Variants in NELL2 observed in about 807,000 individuals in gnomAD.
The protein encoded by NELL2 is protein kinase C-binding protein NELL2.
In NELL2, 41 loss-of-function variants were observed where a neutral mutation model predicts 109.6. That is an observed-to-expected ratio of 0.37 (90% CI 0.29 to 0.49). The LOEUF is 0.49. Ranked by LOEUF, NELL2 falls within the 20% of genes least tolerant of loss-of-function variation. The pLI is 0.98. For missense variants in NELL2, 900 were observed against 1,008.3 expected (o/e 0.89, Z 1.45); for synonymous variants, 355 against 344.7 (o/e 1.03, Z -0.33).
chr12:44,898,510 G>C (rs1179785002), intron 1 of NELL2, among the ~76,000 whole-genome samples: 3 of 152,176 alleles, frequency 2.0e-5, no homozygotes, highest in African/African-American at 7.2e-5. Context: ...CTGCAGAAGA[G>C]GGTCCTGACT....
intron 15 of NELL2, among the ~76,000 whole-genome samples, chr12:44,542,459 C>G (rs954572214): frequency 7.9e-5 from 12 of 152,036 alleles, no homozygotes; most frequent in African/African-American, 2.9e-4. Context: ...ACATTGAAAA[C>G]TATCTGTAGT....
intron 15 of NELL2, among the ~76,000 whole-genome samples, chr12:44,584,054 G>A (rs548718704): frequency 7.9e-5 from 12 of 152,328 alleles, no homozygotes; most frequent in East Asian, 7.7e-4. Context: ...GATTACAGGC[G>A]TGAGCAACAG....
chr12:44,815,270 C>T (rs1775611337), intron 3 of NELL2, among the ~76,000 whole-genome samples: 1 of 152,168 alleles, frequency 6.6e-6, no homozygotes, highest in Admixed American at 6.5e-5. Flanking sequence ...TTTATACAAT[C>T]CATGTCCAAG....
intron 19 of NELL2, among the ~76,000 whole-genome samples, chr12:44,514,607 CATAGTATAT>C (rs1941170361): frequency 6.6e-6 from 1 of 151,520 alleles, no homozygotes; most frequent in South Asian, 2.1e-4. Context: ...ATAGAAAAAA[CATAGTATAT>C]ATAGTGTTTA....
Position 44,685,767 on chromosome 12 carries a change from G to T in NELL2, c.1318+17959C>A, listed in dbSNP as rs541981383. ...CCCCCACTCTCTTCTGGCTTGTAGA[G>T]TTTCTGCGGAGAGATCTGCTGTTAG... On this transcript the variant is annotated intron_variant, in intron 12 of 19. Transcript: ENST00000429094. 3.4e-4 allele frequency among the ~76,000 whole-genome samples: 52 copies of T among 152,296 alleles called. 2 individuals are homozygous for T. The highest frequency in any genetic ancestry group is 2.1e-4 in the South Asian group (1 of 4,826).
intron 1 of NELL2, among the ~76,000 whole-genome samples, chr12:44,893,415 A>G (rs1945558345): frequency 6.6e-6 from 1 of 152,256 alleles, no homozygotes; most frequent in African/African-American, 2.4e-5. Context: ...ATTTAGAAAT[A>G]TATGTATAAT....
At chr12:44,593,284 A>C (rs1376999) in intron 15 of NELL2, among the ~76,000 whole-genome samples, 1 of 152,100 alleles carries the variant, frequency 6.6e-6, no homozygotes, top group African/African-American at 2.4e-5. Context: ...AGATGATTAC[A>C]TGTATAATCT....
rs564372159 is a variant in NELL2, at chr12:44,740,573, T to G, written c.995-25832A>C. Among the ~76,000 whole-genome samples the G allele has an allele frequency of 2.0e-5, 3 of 152,176 alleles. No homozygotes were observed. In the East Asian group the frequency reaches 5.8e-4, roughly 29 times the overall value. On this transcript the variant is annotated intron_variant, in intron 9 of 19. Coordinates refer to ENST00000429094, the MANE Select transcript of NELL2 (RefSeq NM_001145108.2). ...ACGGCATGCTTTTGGGTCCAGGAGC[T>G]TGTGAAAAAAGAAAACTTACTATAG... is the stretch of plus-strand genomic sequence containing the variant.
chr12:44,872,672 A>G (rs1945197501), intron 2 of NELL2, among the ~76,000 whole-genome samples: 1 of 152,150 alleles, frequency 6.6e-6, no homozygotes, highest in Non-Finnish European at 1.5e-5. Context: ...TGCAGGAAAA[A>G]TTTGATGGTC....
At chr12:44,562,087 T>C (rs368150396) in intron 15 of NELL2, among the ~76,000 whole-genome samples, 1 of 152,334 alleles carries the variant, frequency 6.6e-6, no homozygotes, top group East Asian at 1.9e-4. Flanking sequence ...ATTTAATAAA[T>C]GGTGCTGGGA....
At chr12:44,528,097 CAAAAAAAA>C (rs71093812) in intron 16 of NELL2, among the ~76,000 whole-genome samples, 12 of 21,996 alleles carry the variant, frequency 5.5e-4, no homozygotes, top group African/African-American at 1.5e-3. Context: ...GACTCCGTCT[CAAAAAAAA>C]AAAAAAAAAA....
Position 44,662,310 on chromosome 12 carries a change from G to A in NELL2, c.1444+3174C>T, listed in dbSNP as rs376996733. 2.6e-5 allele frequency among the ~76,000 whole-genome samples: 4 copies of A among 152,240 alleles called. No individual in the cohort carries two copies. The East Asian group carries it at 5.8e-4, about 22-fold the overall frequency. On this transcript the variant is annotated intron_variant, in intron 13 of 19. Transcript: ENST00000429094. ...CTATAAAGACAGTAGTTTAAATAAT[G>A]AACATAATGTATTGAATAGTGTGTT...
chr12:44,576,695 C>T (rs1380455836), intron 15 of NELL2, among the ~76,000 whole-genome samples: 11 of 152,102 alleles, frequency 7.2e-5, no homozygotes, highest in Non-Finnish European at 1.3e-4. Context: ...GCTATTCCTC[C>T]CCCCACCACC....
At chr12:44,539,193 A>T (rs1942430286) in intron 15 of NELL2, among the ~76,000 whole-genome samples, 1 of 152,254 alleles carries the variant, frequency 6.6e-6, no homozygotes, top group African/African-American at 2.4e-5. Flanking sequence ...TATTACACTG[A>T]CTTAATTAAT....
intron 2 of NELL2, among the ~76,000 whole-genome samples, chr12:44,854,026 G>A (rs1051440883): frequency 1.3e-5 from 2 of 152,102 alleles, no homozygotes; most frequent in African/African-American, 2.4e-5. Flanking sequence ...GTCAACAAAC[G>A]CAATTCATAG....
chr12:44,579,290 G>T (rs769803054), intron 15 of NELL2, among the ~76,000 whole-genome samples: 3 of 152,124 alleles, frequency 2.0e-5, no homozygotes, highest in Non-Finnish European at 2.9e-5. Flanking sequence ...ACTCTTGCAG[G>T]TATACCAGGG....
chr12:44,523,578 T>G, intron 16 of NELL2, 94 bp from the exon 17 acceptor site: 1 of 1,009,444 alleles, frequency 9.9e-7, no homozygotes, highest in Admixed American at 2.2e-5. Flanking sequence ...CATAAGGTAT[T>G]CAACTGTAAA....
At position 44,520,122 on chromosome 12, in the gene NELL2, C is replaced by T. The variant is rs1941463589; in HGVS notation, c.2283G>A (p.Gln761=). The change falls in exon 19 of 20, where the codon CAG becomes CAA. Residue 761 remains glutamine, a synonymous_variant. Transcript: ENST00000429094. ...CCPRCVTDPC[Q]ADTIRNDITK... is the part of the protein sequence containing the mutation. Reference sequence around the variant, plus strand: ...TGATGTCATTGCGGATGGTGTCAGCCTGGCAAGGGTCTGTGACACAGCGCG... The same window carrying T: ...TGATGTCATTGCGGATGGTGTCAGCTTGGCAAGGGTCTGTGACACAGCGCG... 15 of 1,614,014 alleles carry T rather than the reference C, an allele frequency of 9.3e-6. No homozygotes were observed. Among genetic ancestry groups the T allele is most frequent in the Non-Finnish European group, 1.2e-5 (14 of 1,180,034 alleles).
intron 2 of NELL2, among the ~76,000 whole-genome samples, chr12:44,871,982 A>T (rs1362704149): frequency 6.6e-6 from 1 of 152,200 alleles, no homozygotes; most frequent in Non-Finnish European, 1.5e-5. Context: ...GGCCAGATTA[A>T]TTGTTAAAAT....
Sources: allele counts gnomAD v4.1 joint callset (sites outside exome capture counted in the v4.1 genomes callset), GRCh38; gene constraint gnomAD v4.1.1; transcripts MANE v1.5; gene names NCBI Gene and HGNC (gene_info 2026-07-23, HGNC 2026-07-21).